Variants in MAST4 observed in about 807,000 individuals in gnomAD.
MAST4 encodes microtubule-associated serine/threonine-protein kinase 4.
Under a neutral mutation model 162.7 loss-of-function variants are expected in MAST4, and 89 were observed. That is an observed-to-expected ratio of 0.55 (90% CI 0.46 to 0.65). The LOEUF is 0.65. Ranked by LOEUF, MAST4 falls within the 30% of genes least tolerant of loss-of-function variation. The pLI, the probability that MAST4 is intolerant of heterozygous loss-of-function variation, is 0.00. For missense variants in MAST4, 3,153 were observed against 3,374.0 expected (o/e 0.93, Z 1.62); for synonymous variants, 1,479 against 1,361.1 (o/e 1.09, Z -1.91).
In MAST4 at chr5:66,632,960, A is replaced by T. The variant is rs1244798024; in HGVS notation, c.363+35942A>T. On this transcript the variant is annotated intron_variant, in intron 1 of 28. Transcript: ENST00000403625. ...GTAAATTTAGTGCAAATGAGTTTGAATTTTTTTTCATTAATTAACCAGTAA... is the reference window on the plus strand; with the variant it reads ...GTAAATTTAGTGCAAATGAGTTTGATTTTTTTTTCATTAATTAACCAGTAA... Among the ~76,000 whole-genome samples the T allele has an allele frequency of 2.0e-5, 3 of 152,188 alleles. No individual in the cohort carries two copies. The East Asian group carries it at 5.8e-4, about 29-fold the overall frequency.
chr5:66,634,786 T>C (rs1179200427), intron 1 of MAST4, among the ~76,000 whole-genome samples: 1 of 152,198 alleles, frequency 6.6e-6, no homozygotes, highest in Non-Finnish European at 1.5e-5. Flanking sequence ...GGGCCCAAGG[T>C]AGGGCTTGAG....
chr5:66,964,065 A>G, intron 4 of MAST4: 2 of 601,682 alleles, frequency 3.3e-6, no homozygotes, highest in Non-Finnish European at 6.4e-6. Context: ...GAATTCTGTA[A>G]GTTTTGATCA....
chr5:67,100,380 A>G (rs1272318660), intron 7 of MAST4, 55 bp from the exon 8 acceptor site: 1 of 1,584,372 alleles, frequency 6.3e-7, no homozygotes, highest in Non-Finnish European at 8.7e-7. Context: ...TCTCCTGTTC[A>G]TTTGAAGAGT....
intron 1 of MAST4, among the ~76,000 whole-genome samples, chr5:66,690,793 A>G (rs1385419442): frequency 6.6e-6 from 1 of 152,180 alleles, no homozygotes; most frequent in Admixed American, 6.5e-5. Flanking sequence ...GTACTTTGAT[A>G]ACCTCATTCC....
rs559973828 is a variant in MAST4, at chr5:66,716,979, G to T, written c.364-42730G>T. ...GGGTCTCACAGGTGAAGAGGACAAA[G>T]TTCTCCCTCAAGGAGCTCATTCTGT... On this transcript the variant is annotated intron_variant, in intron 1 of 28. Coordinates refer to ENST00000403625, the MANE Select transcript of MAST4 (RefSeq NM_001164664.2). Among the ~76,000 whole-genome samples, 84 of 152,330 alleles carry T rather than the reference G, an allele frequency of 5.5e-4. 1 individual carries two copies. The highest frequency in any genetic ancestry group is 2.0e-3 in the African/African-American group (82 of 41,578).
At chr5:66,804,041 G>A (rs557362498) in intron 3 of MAST4, among the ~76,000 whole-genome samples, 13 of 151,394 alleles carry the variant, frequency 8.6e-5, no homozygotes, top group African/African-American at 2.9e-4. Context: ...TTTATTGATG[G>A]CCATTAATCT....
At chr5:67,098,006 G>T (rs1458622421) in intron 7 of MAST4, among the ~76,000 whole-genome samples, 1 of 152,064 alleles carries the variant, frequency 6.6e-6, no homozygotes. Context: ...AAGCTAAGCT[G>T]AATCACTCTT....
intron 14 of MAST4, among the ~76,000 whole-genome samples, chr5:67,127,933 C>T (rs1359143597): frequency 6.6e-6 from 1 of 152,158 alleles, no homozygotes; most frequent in Non-Finnish European, 1.5e-5. Context: ...AAGTCCTTTT[C>T]AAGAAAGCCA....
Position 67,096,687 on chromosome 5 carries a change from G to A in MAST4, c.912+1012G>A, listed in dbSNP as rs529816065. Among the ~76,000 whole-genome samples the A allele has an allele frequency of 3.9e-5, 6 of 152,178 alleles. No homozygotes were observed. In the East Asian group the frequency reaches 1.2e-3, roughly 29 times the overall value. ...AGAATTCCAAGTATAATAATATAAC[G>A]TAGATTTTCTGGAGTACCTTTAAAA... On this transcript the variant is annotated intron_variant, in intron 7 of 28. Transcript: ENST00000403625.
Position 66,754,141 on chromosome 5 carries a change from G to T in MAST4, c.364-5568G>T, listed in dbSNP as rs191679875. Among the ~76,000 whole-genome samples, 525 of 150,488 alleles carry T rather than the reference G, an allele frequency of 3.5e-3. 3 individuals are homozygous for T. Among genetic ancestry groups the T allele is most frequent in the African/African-American group, 0.012 (498 of 40,794 alleles). On this transcript the variant is annotated intron_variant, in intron 1 of 28. Transcript: ENST00000403625. Reference sequence around the variant, plus strand: ...AACGCTCAATAAATTAGGTACTGATGGGACGTATCTCAAAATAATAAGAGC... The same window carrying T: ...AACGCTCAATAAATTAGGTACTGATTGGACGTATCTCAAAATAATAAGAGC...
At chr5:66,704,871 TGTAAGAATCTTGAGCTTG>T (rs1561274989) in intron 1 of MAST4, among the ~76,000 whole-genome samples, 1 of 152,170 alleles carries the variant, frequency 6.6e-6, no homozygotes, top group Non-Finnish European at 1.5e-5. Flanking sequence ...TCTTTTCATA[TGTAAGAATCTTGAGCTTG>T]CTTCTCGGAA....
intron 4 of MAST4, among the ~76,000 whole-genome samples, chr5:66,942,673 G>A (rs779407234): frequency 3.3e-5 from 5 of 152,030 alleles, no homozygotes; most frequent in Admixed American, 6.6e-5. Context: ...ACAAAAAAAT[G>A]TTTATTGATC....
intron 13 of MAST4, among the ~76,000 whole-genome samples, chr5:67,119,009 A>G (rs1581626801): frequency 6.6e-6 from 1 of 152,202 alleles, no homozygotes; most frequent in African/African-American, 2.4e-5. Flanking sequence ...CTAGGGTAAG[A>G]AGGGGCAAAA....
chr5:66,597,773 G>C (rs2149377949), intron 1 of MAST4, among the ~76,000 whole-genome samples: 1 of 152,290 alleles, frequency 6.6e-6, no homozygotes, highest in Admixed American at 6.5e-5. Context: ...CTTGTGGGTC[G>C]CTTCCTGACA....
chr5:67,003,570 A>G (rs1263378720), intron 4 of MAST4, among the ~76,000 whole-genome samples: 1 of 152,140 alleles, frequency 6.6e-6, no homozygotes, highest in Non-Finnish European at 1.5e-5. Flanking sequence ...TTTTTGCTGA[A>G]TATATACTTT....
rs115155706 is a variant in MAST4 at position 66,979,219 on chromosome 5, C to T, written c.675-75185C>T. Among the ~76,000 whole-genome samples the T allele has an allele frequency of 4.7e-3, 711 of 152,234 alleles. 5 individuals are homozygous for T. The highest frequency in any genetic ancestry group is 0.016 in the African/African-American group (668 of 41,538). ...AAGGTCCAGCCTGCTGTTGGAGATG[C>T]ACCCTAGGGAGAATGTTCGGAACTT... On this transcript the variant is annotated intron_variant, in intron 4 of 28. Transcript: ENST00000403625.
chr5:66,977,881 T>C (rs1748345858), intron 4 of MAST4, among the ~76,000 whole-genome samples: 2 of 152,222 alleles, frequency 1.3e-5, no homozygotes, highest in South Asian at 4.1e-4. Flanking sequence ...TACTGGCAAC[T>C]ACACAGGATT....
intron 19 of MAST4, among the ~76,000 whole-genome samples, chr5:67,139,827 C>T (rs1440822911): frequency 1.3e-5 from 2 of 152,210 alleles, no homozygotes; most frequent in Non-Finnish European, 2.9e-5. Context: ...TCTTCCTTAT[C>T]TCTCCATAAG....
intron 4 of MAST4, among the ~76,000 whole-genome samples, chr5:67,017,057 C>T (rs919215331): frequency 2.6e-5 from 4 of 152,260 alleles, no homozygotes; most frequent in African/African-American, 9.6e-5. Flanking sequence ...GGAGATGACT[C>T]GATGGCACTC....
Sources: allele counts gnomAD v4.1 joint callset (sites outside exome capture counted in the v4.1 genomes callset), GRCh38; gene constraint gnomAD v4.1.1; transcripts MANE v1.5; gene names NCBI Gene and HGNC (gene_info 2026-07-23, HGNC 2026-07-21).